Variants in TNRC6A observed in about 807,000 individuals in gnomAD.
TNRC6A encodes trinucleotide repeat-containing gene 6A protein.
In TNRC6A, 44 loss-of-function variants were observed where a neutral mutation model predicts 221.2. The ratio of observed to expected loss-of-function variants is 0.20; its 90% CI spans 0.16 to 0.26. The LOEUF (loss-of-function observed/expected upper bound fraction) is 0.26, where lower values mean the gene tolerates loss of function less well. Among genes scored for constraint, TNRC6A ranks in the 10% least tolerant of loss-of-function variants. The pLI, the probability that TNRC6A is intolerant of heterozygous loss-of-function variation, is 1.00. For synonymous variants in TNRC6A, 847 were observed against 838.5 expected (o/e 1.01, Z -0.18); for missense variants, 2,199 against 2,404.4 (o/e 0.91, Z 1.79).
chr16:24,804,578 T>C, intron 12 of TNRC6A, 127 bp from the exon 13 acceptor site: 5 of 1,386,246 alleles, frequency 3.6e-6, no homozygotes, highest in Non-Finnish European at 4.9e-6. Context: ...TCCGATCTCT[T>C]CTGTTTTCTA....
chr16:24,714,394 C>T (rs554040829), intron 2 of TNRC6A, among the ~76,000 whole-genome samples: 7 of 147,730 alleles, frequency 4.7e-5, no homozygotes, highest in South Asian at 2.1e-4. Flanking sequence ...CTGCAAGCTC[C>T]GCCTCCCAGG....
rs549348837 is a variant in TNRC6A at position 24,636,814 on chromosome 16, G to GA, written n.277-4067dup. On this transcript the variant is annotated intron_variant and non_coding_transcript_variant, in intron 1 of 2. Transcript: ENST00000566108. ...CAAGATGCAAAAGCATGTAAATCCA[G>GA]AAAGTTCAGATATTCCCTATTAATA... 2.7e-3 allele frequency among the ~76,000 whole-genome samples: 404 copies of GA among 152,276 alleles called. 3 individuals carry two copies. Among genetic ancestry groups the GA allele is most frequent in the African/African-American group, 9.2e-3 (381 of 41,542 alleles).
intron 22 of TNRC6A, among the ~76,000 whole-genome samples, chr16:24,821,306 C>G (rs1433652418): frequency 1.3e-5 from 2 of 152,144 alleles, no homozygotes. Flanking sequence ...GCCCAGGAAC[C>G]CACCCCAGGG....
intron 2 of TNRC6A, among the ~76,000 whole-genome samples, chr16:24,736,918 C>G (rs1379428283): frequency 6.6e-6 from 1 of 152,104 alleles, no homozygotes; most frequent in Non-Finnish European, 1.5e-5. Context: ...AAGGTAGCTC[C>G]CTTACTGTGG....
chr16:24,818,415 G>A (rs1024102454), intron 20 of TNRC6A, among the ~76,000 whole-genome samples, 178 bp from the exon 21 acceptor site: 1 of 152,198 alleles, frequency 6.6e-6, no homozygotes, highest in Non-Finnish European at 1.5e-5. Flanking sequence ...TGGCGAGCTC[G>A]CTCAGCATGC....
intron 1 of TNRC6A, among the ~76,000 whole-genome samples, chr16:24,614,820 A>G (rs1021125113): frequency 5.3e-5 from 8 of 152,266 alleles, no homozygotes; most frequent in African/African-American, 1.9e-4. Flanking sequence ...CTGTAATCCC[A>G]GCACTTTGGG....
At chr16:24,696,658 G>A (rs945590121) in intron 2 of TNRC6A, among the ~76,000 whole-genome samples, 6 of 147,164 alleles carry the variant, frequency 4.1e-5, no homozygotes, top group Non-Finnish European at 5.9e-5. Context: ...GAGACTAGGA[G>A]GTCAAGGCTG....
chr16:24,683,304 C>T (rs570439807), intron 2 of TNRC6A, among the ~76,000 whole-genome samples: 2 of 152,178 alleles, frequency 1.3e-5, no homozygotes, highest in African/African-American at 4.8e-5. Flanking sequence ...TCAAGCAATC[C>T]TCCCACCTCA....
rs142498692 is a variant in TNRC6A at position 24,799,227 on chromosome 16, C to A, written c.3694+1261C>A. ...AGTGCTAGCTGGCGAAGGAAAAAAA[C>A]CTATAAAGGGCCTAAGTCCATTTTT... is the stretch of plus-strand genomic sequence containing the variant. On this transcript the variant is annotated intron_variant, in intron 11 of 24. Transcript: ENST00000395799. Among the ~76,000 whole-genome samples, 543 of 152,244 alleles carry A rather than the reference C, an allele frequency of 3.6e-3. 2 individuals are homozygous for A. The highest frequency in any genetic ancestry group is 5.8e-3 in the Non-Finnish European group (393 of 67,996).
chr16:24,743,304 A>G (rs1204348397), intron 2 of TNRC6A, among the ~76,000 whole-genome samples: 2 of 152,048 alleles, frequency 1.3e-5, no homozygotes, highest in African/African-American at 2.4e-5. Context: ...ACTTTCCTCA[A>G]TCTGAGCTTT....
At position 24,778,259 on chromosome 16, in the gene TNRC6A, G is replaced by GTAGT. The variant is rs2057768108; in HGVS notation, c.589+904_589+907dup. On this transcript the variant is annotated intron_variant, in intron 5 of 24. Transcript: ENST00000395799. Reference sequence around the variant, plus strand: ...GAGCAGTCTTTCCTAACTGTGCCAGGTAGTTACTCACTTTCTATACCTGTG... The same window carrying GTAGT: ...GAGCAGTCTTTCCTAACTGTGCCAGGTAGTTAGTTACTCACTTTCTATACCTGTG... The GTAGT allele has an allele frequency of 5.1e-6, 5 of 983,952 alleles. No individual in the cohort carries two copies. In the East Asian group the frequency reaches 4.5e-4, roughly 89 times the overall value. 61.0% of individuals were successfully genotyped at this position (983,952 alleles called of 1,614,324 possible).
intron 4 of TNRC6A, among the ~76,000 whole-genome samples, chr16:24,771,568 T>TGTG (rs1567449211): frequency 6.5e-5 from 6 of 92,952 alleles, no homozygotes; most frequent in Middle Eastern, 5.3e-3. Context: ...TGTTTTATGT[T>TGTG]ATGTTATGTT....
rs1265818474 is a variant in TNRC6A at position 24,621,345 on chromosome 16, C to CTT, written n.276+10884_276+10885dup. ...CAAAATTCAGTTACTAGAATATGGTCTTTTTTTTTTTTTTTTTTTTTTTTA... is the reference window on the plus strand; with the variant it reads ...CAAAATTCAGTTACTAGAATATGGTCTTTTTTTTTTTTTTTTTTTTTTTTTTA... On this transcript the variant is annotated intron_variant and non_coding_transcript_variant, in intron 1 of 2. Transcript: ENST00000566108. Among the ~76,000 whole-genome samples the CTT allele has an allele frequency of 4.0e-3, 299 of 73,928 alleles. 7 individuals carry two copies. The highest frequency in any genetic ancestry group is 0.014 in the African/African-American group (232 of 16,158). 48.5% of individuals were successfully genotyped at this position (73,928 alleles called of 152,430 possible).
At chr16:24,703,560 A>G (rs2056031101) in intron 2 of TNRC6A, among the ~76,000 whole-genome samples, 1 of 152,096 alleles carries the variant, frequency 6.6e-6, no homozygotes, top group Non-Finnish European at 1.5e-5. Context: ...AAATAAATTA[A>G]TATATAAAAA....
intron 5 of TNRC6A, among the ~76,000 whole-genome samples, chr16:24,788,004 T>A (rs1388859014): frequency 1.3e-5 from 2 of 152,186 alleles, no homozygotes; most frequent in African/African-American, 4.8e-5. Flanking sequence ...CTCAAGACAG[T>A]CAGAATGCAC....
chr16:24,804,297 A>C lies in TNRC6A; in HGVS notation c.3815A>C (p.Glu1272Ala). Residue 1272 changes from glutamate to alanine, a missense_variant, in exon 12 of 25, where the codon GAG becomes GCG. Glu to Ala is a moderately radical substitution (Grantham distance 107, BLOSUM62 -1). Coordinates refer to ENST00000395799, the MANE Select transcript of TNRC6A (RefSeq NM_014494.4). ...CAGATTTCCAAAGAGTCTTCCATGG[A>C]GCGCAATCCTTATTTTGATAAGGTA... Reference protein sequence around the residue: ...RPQISKESSMERNPYFDKDGI... With the variant: ...RPQISKESSMARNPYFDKDGI... 1 of 1,612,886 alleles carries C rather than the reference A, an allele frequency of 6.2e-7. No homozygotes were observed. Among genetic ancestry groups the C allele is most frequent in the Non-Finnish European group, 8.5e-7 (1 of 1,179,788 alleles).
chr16:24,806,523 G>A lies in TNRC6A; in HGVS notation c.4330-51G>A, dbSNP rs769647184. 7 of 1,600,396 alleles carry A rather than the reference G, an allele frequency of 4.4e-6. No homozygotes were observed. In the Admixed American group the frequency reaches 5.0e-5, roughly 11 times the overall value. On this transcript the variant is annotated intron_variant, in intron 16 of 24. Coordinates refer to ENST00000395799, the MANE Select transcript of TNRC6A (RefSeq NM_014494.4). ...AATGGAGAGGAATATGTAGTTTTCT[G>A]TAAAGACGTTTTCCCCCAGTAATTT...
intron 2 of TNRC6A, among the ~76,000 whole-genome samples, chr16:24,649,973 G>A (rs180989776): frequency 2.0e-5 from 3 of 151,222 alleles, no homozygotes; most frequent in Middle Eastern, 3.2e-3. Flanking sequence ...ACAGGCATGC[G>A]CAACCAAGCC....
intron 4 of TNRC6A, among the ~76,000 whole-genome samples, chr16:24,772,696 T>C (rs1295420202): frequency 6.6e-6 from 1 of 151,986 alleles, no homozygotes; most frequent in Non-Finnish European, 1.5e-5. Context: ...GGCATGAGAA[T>C]CACTTGAACC....
Sources: gnomAD v4.1 joint callset for allele counts (sites outside exome capture counted in the v4.1 genomes callset) on GRCh38, gnomAD v4.1.1 for gene constraint, MANE v1.5 for transcripts, NCBI Gene and HGNC (gene_info 2026-07-23, HGNC 2026-07-21) for gene names.